AKAP6: variants seen among roughly 807,000 people sequenced by gnomAD.
AKAP6 encodes the protein A-kinase anchor protein 6.
Under a neutral mutation model 188.5 loss-of-function variants are expected in AKAP6, and 58 were observed. The ratio of observed to expected loss-of-function variants is 0.31; its 90% CI spans 0.25 to 0.38. The LOEUF (loss-of-function observed/expected upper bound fraction) is 0.38, where lower values mean the gene tolerates loss of function less well. Ranked by LOEUF, AKAP6 falls within the 10% of genes least tolerant of loss-of-function variation. AKAP6 has a pLI of 1.00. For synonymous variants in AKAP6, 989 were observed against 998.6 expected, an observed-to-expected ratio of 0.99 and a Z score of 0.18; for missense variants, 2,710 against 2,740.0, an observed-to-expected ratio of 0.99 and a Z score of 0.24.
chr14:32,526,727 A>G (rs901216674), intron 2 of AKAP6, among the ~76,000 whole-genome samples: 3 of 152,238 alleles, frequency 2.0e-5, no homozygotes, highest in Admixed American at 6.5e-5. Flanking sequence ...TAGGCTTATT[A>G]GAAAAGTGTA....
intron 9 of AKAP6, among the ~76,000 whole-genome samples, chr14:32,722,244 A>G (rs1415399612): frequency 1.3e-5 from 2 of 152,122 alleles, no homozygotes; most frequent in Non-Finnish European, 2.9e-5. Context: ...AACATTTAAT[A>G]CATTGTCTAG....
At chr14:32,534,989 C>CAAAAA (rs10707758) in intron 2 of AKAP6, among the ~76,000 whole-genome samples, 1 of 101,996 alleles carries the variant, frequency 9.8e-6, no homozygotes, top group Admixed American at 1.1e-4. Flanking sequence ...AAAAACAAAC[C>CAAAAA]AAAAAAAAAA....
At chr14:32,643,463 A>G (rs1043886385) in intron 7 of AKAP6, among the ~76,000 whole-genome samples, 4 of 151,788 alleles carry the variant, frequency 2.6e-5, no homozygotes, top group African/African-American at 9.7e-5. Flanking sequence ...ACCCACCACC[A>G]TGCCCAGCTA....
At chr14:32,653,220 A>AT (rs762113677) in intron 7 of AKAP6, among the ~76,000 whole-genome samples, 10 of 151,966 alleles carry the variant, frequency 6.6e-5, no homozygotes, top group South Asian at 4.1e-4. Context: ...ATGTTTGGCC[A>AT]TTTTTTCTCC....
At chr14:32,603,689 A>G (rs1886022573) in intron 7 of AKAP6, among the ~76,000 whole-genome samples, 1 of 152,214 alleles carries the variant, frequency 6.6e-6, no homozygotes, top group African/African-American at 2.4e-5. Context: ...TTGCATTGTT[A>G]CTTATAATAG....
chr14:32,435,213 A>G (rs549088827), intron 2 of AKAP6, among the ~76,000 whole-genome samples: 2 of 152,248 alleles, frequency 1.3e-5, no homozygotes, highest in South Asian at 4.2e-4. Flanking sequence ...TGTAGCTCCC[A>G]TAAGTAGATA....
At chr14:32,390,607 AG>A (rs1888680256) in intron 1 of AKAP6, among the ~76,000 whole-genome samples, 1 of 151,850 alleles carries the variant, frequency 6.6e-6, no homozygotes, top group Non-Finnish European at 1.5e-5. Flanking sequence ...AGTTGTAGTG[AG>A]TGTTATCTCT....
chr14:32,580,517 T>C (rs925992317), intron 5 of AKAP6, among the ~76,000 whole-genome samples: 4 of 152,148 alleles, frequency 2.6e-5, no homozygotes, highest in African/African-American at 7.2e-5. Context: ...ACATAATAAA[T>C]TGCACATTTT....
chr14:32,510,536 G>A (rs368450932), intron 2 of AKAP6, among the ~76,000 whole-genome samples: 16 of 145,762 alleles, frequency 1.1e-4, no homozygotes, highest in South Asian at 1.1e-3. Context: ...ATTCCCTGGA[G>A]ATATTTTGAT....
At chr14:32,447,096 A>G (rs941952022) in intron 2 of AKAP6, among the ~76,000 whole-genome samples, 14 of 152,152 alleles carry the variant, frequency 9.2e-5, no homozygotes, top group African/African-American at 3.4e-4. Context: ...TTGACTTAAA[A>G]CCAGTGATTC....
At position 32,823,223 on chromosome 14, in the gene AKAP6, A is replaced by G. The variant is rs1446194020; in HGVS notation, c.5410A>G (p.Thr1804Ala). Reference protein sequence around the residue: ...GLDYIKNELQTWIRPKLSLTR... With the variant: ...GLDYIKNELQAWIRPKLSLTR... ...AGACTACATAAAGAATGAATTACAG[A>G]CCTGGATTAGGCCAAAATTGTCTTT... is the stretch of plus-strand genomic sequence containing the variant. Residue 1804 changes from threonine (T) to alanine (A), a missense_variant, in exon 13 of 14, where the codon ACC (threonine) becomes GCC (alanine). Transcript: ENST00000280979. 7 of 1,613,622 alleles carry G rather than the reference A, an allele frequency of 4.3e-6. No homozygotes were observed. Among genetic ancestry groups the G allele is most frequent in the Non-Finnish European group, 5.9e-6 (7 of 1,179,900 alleles).
At chr14:32,489,759 G>A (rs1026205167) in intron 2 of AKAP6, among the ~76,000 whole-genome samples, 4 of 152,116 alleles carry the variant, frequency 2.6e-5, no homozygotes, top group African/African-American at 9.7e-5. Context: ...GCCCATGTAG[G>A]CATCTCTAAA....
chr14:32,619,314 G>T (rs894248199), intron 7 of AKAP6, among the ~76,000 whole-genome samples: 1 of 152,026 alleles, frequency 6.6e-6, no homozygotes, highest in South Asian at 2.1e-4. Context: ...ATGGCTTCAG[G>T]TCTTAAATTT....
intron 1 of AKAP6, among the ~76,000 whole-genome samples, chr14:32,380,026 A>G (rs1284628368): frequency 6.6e-6 from 1 of 152,122 alleles, no homozygotes; most frequent in Non-Finnish European, 1.5e-5. Flanking sequence ...TTGTCTTTAC[A>G]ATGTTGCAAA....
intron 12 of AKAP6, among the ~76,000 whole-genome samples, chr14:32,783,352 G>T (rs547921926): frequency 6.6e-6 from 1 of 152,054 alleles, no homozygotes; most frequent in African/African-American, 2.4e-5. Context: ...AAAGGGTAAC[G>T]AGAAATCTTT....
At chr14:32,394,254 T>C (rs944825971) in intron 1 of AKAP6, among the ~76,000 whole-genome samples, 5 of 152,194 alleles carry the variant, frequency 3.3e-5, no homozygotes, top group African/African-American at 9.6e-5. Flanking sequence ...AAAAATTGAT[T>C]GAACATCCAT....
intron 2 of AKAP6, among the ~76,000 whole-genome samples, chr14:32,454,095 G>A (rs1412891363): frequency 6.6e-6 from 1 of 152,088 alleles, no homozygotes; most frequent in African/African-American, 2.4e-5. Flanking sequence ...AAGTTATGCA[G>A]GAGATTTCAG....
At chr14:32,631,448 T>C (rs990266944) in intron 7 of AKAP6, among the ~76,000 whole-genome samples, 1 of 152,096 alleles carries the variant, frequency 6.6e-6, no homozygotes, top group Non-Finnish European at 1.5e-5. Flanking sequence ...AGATTGGTTA[T>C]ATTTTAAATA....
At chr14:32,752,222 T>C (rs1002395576) in intron 11 of AKAP6, among the ~76,000 whole-genome samples, 4 of 152,182 alleles carry the variant, frequency 2.6e-5, no homozygotes, top group Non-Finnish European at 4.4e-5. Context: ...AATTGTTTAT[T>C]GATATTGAAG....
Sources: gnomAD v4.1 joint callset for allele counts (sites outside exome capture counted in the v4.1 genomes callset) on GRCh38, gnomAD v4.1.1 for gene constraint, MANE v1.5 for transcripts, NCBI Gene and HGNC (gene_info 2026-07-23, HGNC 2026-07-21) for gene names.